Variants in TCF12 observed in about 807,000 individuals in gnomAD.
The protein encoded by TCF12 is transcription factor 12.
Under a neutral mutation model 86.0 loss-of-function variants are expected in TCF12, and 45 were observed. That is an observed-to-expected ratio of 0.52 (90% CI 0.41 to 0.67). The LOEUF is 0.67. Ranked by LOEUF, TCF12 falls within the 30% of genes least tolerant of loss-of-function variation. The pLI, the probability that TCF12 is intolerant of heterozygous loss-of-function variation, is 0.00. For synonymous variants in TCF12, 330 were observed against 299.6 expected, an observed-to-expected ratio of 1.10 and a Z score of -1.05; for missense variants, 881 against 859.9, an observed-to-expected ratio of 1.02 and a Z score of -0.31.
intron 4 of TCF12, among the ~76,000 whole-genome samples, chr15:57,083,514 GA>G (rs1159077539): frequency 6.6e-5 from 10 of 151,754 alleles, no homozygotes; most frequent in Non-Finnish European, 1.2e-4. Flanking sequence ...ATAGGCAAAT[GA>G]AAAAAATACT....
chr15:57,241,582 T>C (rs2059632001), intron 12 of TCF12, among the ~76,000 whole-genome samples: 2 of 152,262 alleles, frequency 1.3e-5, no homozygotes, highest in Non-Finnish European at 2.9e-5. Context: ...TTTACAATTA[T>C]AAGTTACTAA....
At chr15:56,945,707 G>C (rs555033352) in intron 3 of TCF12, among the ~76,000 whole-genome samples, 1 of 152,216 alleles carries the variant, frequency 6.6e-6, no homozygotes, top group East Asian at 1.9e-4. Context: ...GCCATGGTTT[G>C]AATGTCCCTT....
chr15:57,260,573 A>C (rs1477242957), intron 16 of TCF12, among the ~76,000 whole-genome samples: 1 of 152,188 alleles, frequency 6.6e-6, no homozygotes, highest in African/African-American at 2.4e-5. Flanking sequence ...TTTTAAGTCC[A>C]CATTATTATA....
At chr15:57,057,927 G>C (rs2068158869) in intron 3 of TCF12, among the ~76,000 whole-genome samples, 1 of 152,136 alleles carries the variant, frequency 6.6e-6, no homozygotes, top group African/African-American at 2.4e-5. Context: ...CACTGGCATT[G>C]GTCTTCAGAT....
intron 3 of TCF12, among the ~76,000 whole-genome samples, chr15:56,995,261 C>CTTTTTTTTTTTTTTTT (rs2063652340): frequency 5.0e-5 from 1 of 20,180 alleles, no homozygotes; most frequent in Non-Finnish European, 1.1e-4. Flanking sequence ...TTTTTTTTTG[C>CTTTTTTTTTTTTTTTT]TTAGGATTGC....
intron 3 of TCF12, among the ~76,000 whole-genome samples, chr15:57,048,717 T>G (rs143930239): frequency 9.4e-4 from 143 of 152,242 alleles, no homozygotes; most frequent in African/African-American, 3.4e-3. Flanking sequence ...TGCTGCTGTT[T>G]GTTTGATTTC....
chr15:57,266,902 A>G (rs2060895437), intron 18 of TCF12, among the ~76,000 whole-genome samples: 1 of 152,076 alleles, frequency 6.6e-6, no homozygotes, highest in Non-Finnish European at 1.5e-5. Context: ...GGTGGCAAAC[A>G]CCCGTAGTCC....
chr15:57,050,861 T>G (rs1199097129), intron 3 of TCF12, among the ~76,000 whole-genome samples: 1 of 152,218 alleles, frequency 6.6e-6, no homozygotes, highest in Non-Finnish European at 1.5e-5. Context: ...TTTTCTTTTT[T>G]TAAATGGTTT....
rs55834033 is a variant in TCF12, at chr15:57,257,679, G to GTATATATATATATATATA, written c.1467+4218_1467+4235dup. On this transcript the variant is annotated intron_variant, in intron 16 of 20. Coordinates refer to ENST00000333725, the MANE Select transcript of TCF12 (RefSeq NM_207037.2). The stretch of plus-strand genomic sequence containing the variant: ...CTGTCTCTTAAAAAAAAAAAAAAGT[G>GTATATATATATATATATA]TATATATATATATATATATATATAG... Among the ~76,000 whole-genome samples the GTATATATATATATATATA allele has an allele frequency of 2.8e-3, 394 of 140,270 alleles. 2 individuals are homozygous for GTATATATATATATATATA. The highest frequency in any genetic ancestry group is 0.01 in the African/African-American group (371 of 37,058). 92.0% of individuals were successfully genotyped at this position (140,270 alleles called of 152,430 possible).
chr15:57,091,931 T>G, intron 5 of TCF12, 40 bp downstream of exon 5: 1 of 1,544,790 alleles, frequency 6.5e-7, no homozygotes, highest in Non-Finnish European at 8.9e-7. Flanking sequence ...TCTCAAAGCT[T>G]CTTTGGTCAG....
intron 5 of TCF12, among the ~76,000 whole-genome samples, chr15:57,125,806 A>G (rs948858376): frequency 6.6e-6 from 1 of 152,248 alleles, no homozygotes; most frequent in African/African-American, 2.4e-5. Context: ...AAATAGAAGC[A>G]ATTCTCAGCT....
intron 3 of TCF12, among the ~76,000 whole-genome samples, chr15:56,955,539 C>G (rs750635252): frequency 3.3e-5 from 5 of 151,740 alleles, no homozygotes; most frequent in Non-Finnish European, 7.4e-5. Flanking sequence ...TACCCTAGAA[C>G]CTAAAGTATA....
chr15:56,942,538 G>A (rs914675080), intron 3 of TCF12, among the ~76,000 whole-genome samples: 82 of 152,228 alleles, frequency 5.4e-4, no homozygotes, highest in Non-Finnish European at 9.4e-4. Context: ...TTTAGAAGAG[G>A]GTATTATAAA....
chr15:56,999,001 A>G (rs1393573349), intron 3 of TCF12, among the ~76,000 whole-genome samples: 1 of 152,078 alleles, frequency 6.6e-6, no homozygotes, highest in Non-Finnish European at 1.5e-5. Context: ...GATCGAGACC[A>G]TCCTGGTTAA....
intron 18 of TCF12, among the ~76,000 whole-genome samples, chr15:57,272,707 A>G (rs559695813): frequency 6.6e-6 from 1 of 152,226 alleles, no homozygotes; most frequent in Non-Finnish European, 1.5e-5. Flanking sequence ...TGTGGATCAC[A>G]TTTTGTGTAG....
intron 6 of TCF12, among the ~76,000 whole-genome samples, chr15:57,190,355 G>A (rs1326940217): frequency 6.6e-6 from 1 of 152,184 alleles, no homozygotes; most frequent in Non-Finnish European, 1.5e-5. Flanking sequence ...CTGTTCCAAA[G>A]CTCTGCTCCT....
chr15:57,086,860 A>T (rs566990157), intron 4 of TCF12, among the ~76,000 whole-genome samples: 4 of 152,300 alleles, frequency 2.6e-5, no homozygotes, highest in African/African-American at 9.6e-5. Flanking sequence ...ACTGGGAAAG[A>T]TCCTCTGGTG....
At chr15:56,969,896 TGA>T (rs1281222917) in intron 3 of TCF12, among the ~76,000 whole-genome samples, 2 of 151,960 alleles carry the variant, frequency 1.3e-5, no homozygotes, top group African/African-American at 4.8e-5. Context: ...GAAGTTGGGG[TGA>T]TGAGCAAAAG....
At chr15:57,276,175 C>T (rs1014082573) in intron 19 of TCF12, among the ~76,000 whole-genome samples, 4 of 152,174 alleles carry the variant, frequency 2.6e-5, no homozygotes, top group Non-Finnish European at 5.9e-5. Context: ...TTTTCAGTTT[C>T]CTGTTCTACA....
Sources: gnomAD v4.1 joint callset for allele counts (sites outside exome capture counted in the v4.1 genomes callset) on GRCh38, gnomAD v4.1.1 for gene constraint, MANE v1.5 for transcripts, NCBI Gene and HGNC (gene_info 2026-07-23, HGNC 2026-07-21) for gene names.